DCC: variants seen among roughly 807,000 people sequenced by gnomAD.
DCC encodes netrin receptor DCC.
Under a neutral mutation model 172.5 loss-of-function variants are expected in DCC, and 58 were observed. The ratio of observed to expected loss-of-function variants is 0.34; its 90% CI spans 0.27 to 0.42. The LOEUF (loss-of-function observed/expected upper bound fraction) is 0.42. Among genes scored for constraint, DCC ranks in the 10% least tolerant of loss-of-function variants. DCC has a pLI of 1.00. For synonymous variants in DCC, 709 were observed against 644.5 expected (o/e 1.10, Z -1.52); for missense variants, 1,740 against 1,791.0 (o/e 0.97, Z 0.51).
intron 1 of DCC, among the ~76,000 whole-genome samples, chr18:52,518,056 G>T (rs62081331): frequency 0.063 from 9,568 of 152,054 alleles, 354 homozygotes; most frequent in Middle Eastern, 0.11. Context: ...TTGTGGCATT[G>T]TTTTCCTGTA....
chr18:52,475,821 A>G (rs954111090), intron 1 of DCC, among the ~76,000 whole-genome samples: 1 of 152,206 alleles, frequency 6.6e-6, no homozygotes, highest in Non-Finnish European at 1.5e-5. Context: ...CTGGTTATAT[A>G]GATTATTTGC....
At chr18:52,384,244 C>T (rs1433724670) in intron 1 of DCC, among the ~76,000 whole-genome samples, 1 of 152,074 alleles carries the variant, frequency 6.6e-6, no homozygotes, top group South Asian at 2.1e-4. Flanking sequence ...CCCCTATAAT[C>T]ATTAGAGACC....
intron 12 of DCC, chr18:53,237,161 A>T (rs933145943): frequency 6.5e-6 from 1 of 153,738 alleles, no homozygotes; most frequent in East Asian, 1.9e-4. Context: ...TGAGATCATT[A>T]TATGTATGAT....
At chr18:52,605,872 T>C (rs1257416042) in intron 1 of DCC, among the ~76,000 whole-genome samples, 2 of 152,130 alleles carry the variant, frequency 1.3e-5, no homozygotes, top group Non-Finnish European at 2.9e-5. Flanking sequence ...AGTAATCTCA[T>C]GCAGCTTAAT....
chr18:52,744,997 T>C (rs1319243035), intron 1 of DCC, among the ~76,000 whole-genome samples: 2 of 152,260 alleles, frequency 1.3e-5, no homozygotes, highest in South Asian at 2.1e-4. Flanking sequence ...CAAGGAATAT[T>C]CTAAATGTCC....
At chr18:53,257,593 G>A (rs764422391) in intron 12 of DCC, among the ~76,000 whole-genome samples, 169 of 152,298 alleles carry the variant, frequency 1.1e-3, no homozygotes, top group Middle Eastern at 6.8e-3. Context: ...GCTTTTTGAT[G>A]TGCTGCTGGA....
At chr18:53,008,719 T>C (rs1364308275) in intron 5 of DCC, among the ~76,000 whole-genome samples, 1 of 151,384 alleles carries the variant, frequency 6.6e-6, no homozygotes, top group Non-Finnish European at 1.5e-5. Context: ...CATACAGCTC[T>C]TAATAGAAAT....
chr18:52,636,278 G>A (rs1429646368), intron 1 of DCC, among the ~76,000 whole-genome samples: 1 of 152,122 alleles, frequency 6.6e-6, no homozygotes, highest in Non-Finnish European at 1.5e-5. Context: ...ACTACACGGG[G>A]AGAAGCAAAT....
At chr18:52,349,611 T>C (rs1984029006) in intron 1 of DCC, among the ~76,000 whole-genome samples, 1 of 152,180 alleles carries the variant, frequency 6.6e-6, no homozygotes, top group African/African-American at 2.4e-5. Context: ...GTTAAAAGTT[T>C]ATTTTACAAT....
chr18:53,049,353 A>G (rs6508190), intron 5 of DCC, among the ~76,000 whole-genome samples: 91,984 of 151,864 alleles, frequency 0.61, 28,564 homozygotes, highest in African/African-American at 0.65. Context: ...TCTTGAGTTG[A>G]TTTTTGTATA....
chr18:52,965,952 C>A (rs1013821996), intron 5 of DCC, among the ~76,000 whole-genome samples: 1 of 152,170 alleles, frequency 6.6e-6, no homozygotes, highest in African/African-American at 2.4e-5. Flanking sequence ...GAAACATTTT[C>A]TCAGTACATT....
chr18:53,339,741 T>A lies in DCC; in HGVS notation c.2193T>A (p.Ser731=). 6.2e-7 allele frequency: 1 copy of A among 1,614,006 alleles called. No individual in the cohort carries two copies. The highest frequency in any genetic ancestry group is 8.5e-7 in the Non-Finnish European group (1 of 1,179,962). The change falls in exon 15 of 29, where the codon TCT becomes TCA. Residue 731 remains serine (S), a synonymous_variant. Coordinates refer to ENST00000442544, the MANE Select transcript of DCC (RefSeq NM_005215.4). The part of the protein sequence containing the change: ...DESQVPDQPS[S]LHVRPQTNCI... ...CTCAAGTTCCTGATCAACCAAGCTC[T>A]CTTCATGTGAGGCCCCAGACTAACT...
chr18:52,887,361 ATAT>A (rs2039585450), intron 2 of DCC, among the ~76,000 whole-genome samples: 2 of 151,914 alleles, frequency 1.3e-5, no homozygotes, highest in Admixed American at 1.3e-4. Context: ...AGAGCCAAAC[ATAT>A]TATTTTCTAT....
intron 16 of DCC, among the ~76,000 whole-genome samples, chr18:53,390,721 A>G (rs1490114116): frequency 6.6e-6 from 1 of 152,162 alleles, no homozygotes; most frequent in East Asian, 1.9e-4. Context: ...GTTTTGGAGA[A>G]TTTTGTAAAA....
chr18:52,977,864 G>A (rs1228645066), intron 5 of DCC, among the ~76,000 whole-genome samples: 5 of 145,246 alleles, frequency 3.4e-5, no homozygotes, highest in East Asian at 2.0e-4. Context: ...CAGCCTGGGC[G>A]ACAGAGCAAG....
At chr18:53,351,017 C>G (rs534318247) in intron 15 of DCC, among the ~76,000 whole-genome samples, 1 of 149,746 alleles carries the variant, frequency 6.7e-6, no homozygotes, top group African/African-American at 2.5e-5. Context: ...AATGGATTTT[C>G]TCTTTTATGA....
chr18:52,784,340 T>C (rs77393461), intron 2 of DCC, among the ~76,000 whole-genome samples: 8,040 of 152,200 alleles, frequency 0.053, 288 homozygotes, highest in South Asian at 0.16. Flanking sequence ...TAGATTCCTA[T>C]CTTGGCTATT....
At chr18:53,201,122 C>T (rs1309111138) in intron 9 of DCC, among the ~76,000 whole-genome samples, 1 of 152,284 alleles carries the variant, frequency 6.6e-6, no homozygotes, top group East Asian at 1.9e-4. Flanking sequence ...CCTCCCTTTC[C>T]CTTCCCCCAG....
intron 1 of DCC, among the ~76,000 whole-genome samples, chr18:52,504,182 C>T (rs2031136517): frequency 6.6e-6 from 1 of 152,096 alleles, no homozygotes; most frequent in African/African-American, 2.4e-5. Context: ...TAGCCTGGAT[C>T]ATGTATTCTC....
Sources: gnomAD v4.1 joint callset for allele counts (sites outside exome capture counted in the v4.1 genomes callset) on GRCh38, gnomAD v4.1.1 for gene constraint, MANE v1.5 for transcripts, NCBI Gene and HGNC (gene_info 2026-07-23, HGNC 2026-07-21) for gene names.